Variants in GPC5 observed in about 807,000 individuals in gnomAD.
GPC5 encodes glypican-5.
GPC5 carries 47 observed loss-of-function variants against 53.9 expected under a neutral mutation model. The ratio of observed to expected loss-of-function variants is 0.87; its 90% CI spans 0.69 to 1.11. GPC5 has a LOEUF of 1.11. GPC5 is among the 50% of genes most tolerant of loss of function. The pLI, the probability that GPC5 is intolerant of heterozygous loss-of-function variation, is 0.00. For missense variants in GPC5, 748 were observed against 713.1 expected (o/e 1.05, Z -0.56); for synonymous variants, 286 against 263.3 (o/e 1.09, Z -0.84).
chr13:92,419,327 T>C lies in GPC5; in HGVS notation c.1561+274338T>C, dbSNP rs528277570. ...TTTTCAGCATTGCTTATTCTGGTCA[T>C]AGCAAGTGATTTTTTTCTTCCTTTC... On this transcript the variant is annotated intron_variant, in intron 7 of 7. Transcript: ENST00000377067. Among the ~76,000 whole-genome samples the C allele has an allele frequency of 1.9e-4, 29 of 152,282 alleles. No individual in the cohort carries two copies. The South Asian group carries it at 3.9e-3, about 21-fold the overall frequency.
At chr13:91,406,375 T>C (rs1474100759) in intron 1 of GPC5, among the ~76,000 whole-genome samples, 1 of 152,168 alleles carries the variant, frequency 6.6e-6, no homozygotes, top group East Asian at 1.9e-4. Flanking sequence ...GTTATATAAA[T>C]GGGTTAAAGA....
At chr13:92,138,253 G>A (rs2041800705) in intron 6 of GPC5, among the ~76,000 whole-genome samples, 2 of 152,088 alleles carry the variant, frequency 1.3e-5, no homozygotes, top group Non-Finnish European at 2.9e-5. Flanking sequence ...AGGCGCAGTG[G>A]CTCACACCTA....
chr13:91,954,885 G>T (rs1410787350), intron 6 of GPC5, among the ~76,000 whole-genome samples: 1 of 151,994 alleles, frequency 6.6e-6, no homozygotes, highest in African/African-American at 2.4e-5. Context: ...ATTAATAACT[G>T]ATTTTAGCAA....
intron 7 of GPC5, among the ~76,000 whole-genome samples, chr13:92,247,573 T>C (rs933866851): frequency 1.3e-5 from 2 of 152,152 alleles, no homozygotes; most frequent in Non-Finnish European, 2.9e-5. Context: ...ATATAGTCTA[T>C]GGAACATACA....
intron 6 of GPC5, among the ~76,000 whole-genome samples, chr13:92,135,138 T>A (rs991489474): frequency 1.1e-4 from 17 of 152,160 alleles, no homozygotes; most frequent in Non-Finnish European, 5.9e-5. Context: ...TCATTGATCT[T>A]CTGAATCTTT....
chr13:92,529,192 AAATTTTGCCTTCCTGCCC>A (rs1286254386), intron 7 of GPC5, among the ~76,000 whole-genome samples: 3 of 152,180 alleles, frequency 2.0e-5, no homozygotes, highest in Non-Finnish European at 4.4e-5. Flanking sequence ...CAAACAGTTA[AAATTTTGCCTTCCTGCCC>A]AATATTTTAA....
At chr13:92,419,195 G>A (rs1427512488) in intron 7 of GPC5, among the ~76,000 whole-genome samples, 1 of 152,094 alleles carries the variant, frequency 6.6e-6, no homozygotes, top group Non-Finnish European at 1.5e-5. Flanking sequence ...CACCACTGTG[G>A]GAAGACAAAT....
At chr13:91,852,448 G>A (rs1334022286) in intron 5 of GPC5, among the ~76,000 whole-genome samples, 2 of 150,566 alleles carry the variant, frequency 1.3e-5, no homozygotes, top group African/African-American at 2.4e-5. Flanking sequence ...GATCCTAGGT[G>A]TCACTTTTTT....
At chr13:91,595,868 A>C (rs1270802611) in intron 2 of GPC5, among the ~76,000 whole-genome samples, 3 of 152,144 alleles carry the variant, frequency 2.0e-5, no homozygotes, top group Non-Finnish European at 4.4e-5. Flanking sequence ...TGCTTTAGTG[A>C]CCTCGATGTT....
intron 2 of GPC5, among the ~76,000 whole-genome samples, chr13:91,666,794 T>C (rs1190944844): frequency 6.6e-6 from 1 of 152,214 alleles, no homozygotes; most frequent in East Asian, 1.9e-4. Flanking sequence ...AATGCTAGTT[T>C]ATTTTAACTT....
At chr13:91,552,338 G>A (rs1234489237) in intron 2 of GPC5, among the ~76,000 whole-genome samples, 1 of 151,914 alleles carries the variant, frequency 6.6e-6, no homozygotes, top group African/African-American at 2.4e-5. Context: ...GTATTTTATT[G>A]TTATATCTAA....
chr13:91,870,561 T>G (rs1481086303), intron 5 of GPC5, among the ~76,000 whole-genome samples: 1 of 152,138 alleles, frequency 6.6e-6, no homozygotes, highest in Non-Finnish European at 1.5e-5. Flanking sequence ...TCACCTGTAT[T>G]AACAGGGCAC....
intron 3 of GPC5, among the ~76,000 whole-genome samples, chr13:91,707,849 A>T (rs1362767313): frequency 1.3e-5 from 2 of 152,176 alleles, no homozygotes; most frequent in Non-Finnish European, 2.9e-5. Context: ...CACAAAAAAA[A>T]TACATAGATG....
chr13:91,723,433 T>C (rs892163529), intron 3 of GPC5, among the ~76,000 whole-genome samples: 19 of 151,780 alleles, frequency 1.3e-4, no homozygotes, highest in Admixed American at 1.1e-3. Flanking sequence ...CTTTTAGAAA[T>C]TACCTCACAA....
At chr13:92,563,861 T>C (rs1189758826) in intron 7 of GPC5, among the ~76,000 whole-genome samples, 1 of 152,044 alleles carries the variant, frequency 6.6e-6, no homozygotes, top group Non-Finnish European at 1.5e-5. Context: ...AACACTTTCA[T>C]TCATTTATGC....
rs552575045 is a variant in GPC5, at chr13:91,682,721, T to C, written c.326-10466T>C. Among the ~76,000 whole-genome samples the C allele has an allele frequency of 3.3e-5, 5 of 152,198 alleles. No individual in the cohort carries two copies. The East Asian group carries it at 9.7e-4, about 29-fold the overall frequency. Reference sequence around the variant, plus strand: ...CTGAGCAGTCTGTGAACATAAGAAGTGAAAGAATCACTAGTCACCATGCTG... The same window carrying C: ...CTGAGCAGTCTGTGAACATAAGAAGCGAAAGAATCACTAGTCACCATGCTG... On this transcript the variant is annotated intron_variant, in intron 2 of 7. Coordinates refer to ENST00000377067, the MANE Select transcript of GPC5 (RefSeq NM_004466.6).
intron 2 of GPC5, among the ~76,000 whole-genome samples, chr13:91,598,291 A>C (rs6492555): frequency 0.078 from 11,753 of 151,556 alleles, 726 homozygotes; most frequent in South Asian, 0.25. Context: ...CACTTTTTAT[A>C]TTGTGTGGCA....
At chr13:92,591,109 C>T (rs1430947848) in intron 7 of GPC5, among the ~76,000 whole-genome samples, 1 of 152,168 alleles carries the variant, frequency 6.6e-6, no homozygotes, top group Non-Finnish European at 1.5e-5. Flanking sequence ...CTTCATCAAC[C>T]TTTATATGCT....
At chr13:92,668,945 G>T (rs1886659910) in intron 7 of GPC5, among the ~76,000 whole-genome samples, 1 of 151,958 alleles carries the variant, frequency 6.6e-6, no homozygotes, top group Non-Finnish European at 1.5e-5. Flanking sequence ...GAAACCATTT[G>T]TTAATTTCTA....
Sources: gnomAD v4.1 joint callset for allele counts (sites outside exome capture counted in the v4.1 genomes callset) on GRCh38, gnomAD v4.1.1 for gene constraint, MANE v1.5 for transcripts, NCBI Gene and HGNC (gene_info 2026-07-23, HGNC 2026-07-21) for gene names.